The following CSMD1 variants were observed in gnomAD, a reference collection of about 807,000 sequenced individuals.
The protein encoded by CSMD1 is CUB and Sushi multiple domains 1, also known as CUB and sushi domain-containing protein 1.
In CSMD1, 213 loss-of-function variants were observed where a neutral mutation model predicts 417.5. The observed-to-expected ratio is 0.51, with a 90% CI of 0.46 to 0.57. The LOEUF (loss-of-function observed/expected upper bound fraction) is 0.57. CSMD1 is among the 20% of genes least tolerant of loss of function. The probability of loss-of-function intolerance (pLI) is 0.00; values close to 1 mark genes in which losing one functional copy is unlikely to be tolerated. For missense variants in CSMD1, 6,923 were observed against 4,529.7 expected (o/e 1.53, Z -15.17); for synonymous variants, 2,862 against 1,736.8 (o/e 1.65, Z -16.11).
intron 3 of CSMD1, among the ~76,000 whole-genome samples, chr8:4,366,837 T>G (rs896148665): frequency 3.9e-5 from 6 of 152,124 alleles, no homozygotes; most frequent in African/African-American, 1.4e-4. Context: ...GCTGGCTGCT[T>G]GTTTATCTTC....
chr8:4,629,866 G>T (rs1375645127), intron 2 of CSMD1, among the ~76,000 whole-genome samples: 1 of 152,080 alleles, frequency 6.6e-6, no homozygotes, highest in African/African-American at 2.4e-5. Flanking sequence ...TTGTTCTTCT[G>T]TTCCCTTTGT....
intron 62 of CSMD1, among the ~76,000 whole-genome samples, chr8:2,958,104 T>C: frequency 6.6e-6 from 1 of 152,306 alleles, no homozygotes; most frequent in East Asian, 1.9e-4. Context: ...TTTGTAATAA[T>C]TATTATTTCC....
chr8:3,079,177 G>T (rs1314160780), intron 49 of CSMD1, among the ~76,000 whole-genome samples: 1 of 152,106 alleles, frequency 6.6e-6, no homozygotes, highest in Non-Finnish European at 1.5e-5. Flanking sequence ...TTAAGCAAGG[G>T]CAACTGGGAT....
At chr8:3,877,350 G>A (rs1390110872) in intron 5 of CSMD1, among the ~76,000 whole-genome samples, 1 of 152,170 alleles carries the variant, frequency 6.6e-6, no homozygotes, top group Non-Finnish European at 1.5e-5. Context: ...GGGGAGGCAT[G>A]TGCTCTTCCA....
At chr8:3,319,823 AT>A (rs1806032571) in intron 23 of CSMD1, among the ~76,000 whole-genome samples, 1 of 152,100 alleles carries the variant, frequency 6.6e-6, no homozygotes, top group South Asian at 2.1e-4. Context: ...CATAATTTTA[AT>A]TTTCATTGTC....
chr8:4,623,851 A>C (rs1801930850), intron 2 of CSMD1, among the ~76,000 whole-genome samples: 3 of 152,126 alleles, frequency 2.0e-5, no homozygotes, highest in African/African-American at 7.2e-5. Flanking sequence ...CTTAGAACAC[A>C]GGATGGATGA....
chr8:3,078,353 G>A (rs1025638697), intron 49 of CSMD1, among the ~76,000 whole-genome samples: 1 of 152,202 alleles, frequency 6.6e-6, no homozygotes, highest in African/African-American at 2.4e-5. Flanking sequence ...TGTGTGCTAA[G>A]CATGGACAGA....
chr8:3,497,540 G>T (rs1368253658), intron 10 of CSMD1, among the ~76,000 whole-genome samples: 1 of 152,090 alleles, frequency 6.6e-6, no homozygotes, highest in Admixed American at 6.6e-5. Context: ...AGGTATCTGG[G>T]ATTACAGGGT....
At position 4,453,718 on chromosome 8, in the gene CSMD1, C is replaced by T. The variant is rs931531726; in HGVS notation, c.303-33653G>A. ...GCTTGGGTATGCACAGGCATCACAGCGGGCTTAACCATCCCCAAACGTAAT... is the reference window on the plus strand; with the variant it reads ...GCTTGGGTATGCACAGGCATCACAGTGGGCTTAACCATCCCCAAACGTAAT... On this transcript the variant is annotated intron_variant, in intron 2 of 69. Coordinates refer to ENST00000635120, the MANE Select transcript of CSMD1 (RefSeq NM_033225.6). 2.6e-5 allele frequency among the ~76,000 whole-genome samples: 4 copies of T among 151,268 alleles called. No individual in the cohort carries two copies. The South Asian group carries it at 8.4e-4, about 32-fold the overall frequency.
At chr8:3,526,966 G>A (rs1460339048) in intron 10 of CSMD1, among the ~76,000 whole-genome samples, 2 of 152,034 alleles carry the variant, frequency 1.3e-5, no homozygotes, top group Admixed American at 6.5e-5. Flanking sequence ...GTTGTTGGGT[G>A]CAGCCCTCTG....
chr8:3,776,044 C>A (rs1225666870), intron 5 of CSMD1, among the ~76,000 whole-genome samples: 1 of 152,162 alleles, frequency 6.6e-6, no homozygotes, highest in South Asian at 2.1e-4. Flanking sequence ...TGTGCTGGAG[C>A]CACCTCAGAA....
At chr8:3,901,174 A>C (rs1030748571) in intron 5 of CSMD1, among the ~76,000 whole-genome samples, 3 of 152,234 alleles carry the variant, frequency 2.0e-5, no homozygotes, top group African/African-American at 7.2e-5. Context: ...CTCAGCATGC[A>C]AAAGCAGAGA....
intron 10 of CSMD1, among the ~76,000 whole-genome samples, chr8:3,494,674 A>G (rs1181945367): frequency 7.8e-6 from 1 of 128,408 alleles, no homozygotes; most frequent in Non-Finnish European, 1.7e-5. Flanking sequence ...GACAGACGAT[A>G]CACAGATACA....
chr8:3,694,774 G>A (rs947073956), intron 7 of CSMD1, among the ~76,000 whole-genome samples: 1 of 151,762 alleles, frequency 6.6e-6, no homozygotes, highest in Non-Finnish European at 1.5e-5. Flanking sequence ...AGTGGAAAGA[G>A]CGGTCCAAGC....
At chr8:4,272,796 C>T (rs142886635) in intron 3 of CSMD1, among the ~76,000 whole-genome samples, 1 of 152,274 alleles carries the variant, frequency 6.6e-6, no homozygotes, top group East Asian at 1.9e-4. Flanking sequence ...ATGACCTTTA[C>T]TCTAACTCAC....
At chr8:3,449,514 A>ACAG (rs1287210714) in intron 12 of CSMD1, among the ~76,000 whole-genome samples, 1 of 149,636 alleles carries the variant, frequency 6.7e-6, no homozygotes, top group Non-Finnish European at 1.5e-5. Context: ...ACCTCTCATG[A>ACAG]CAGCAATTTT....
At chr8:4,279,471 G>C (rs554631001) in intron 3 of CSMD1, among the ~76,000 whole-genome samples, 2 of 152,266 alleles carry the variant, frequency 1.3e-5, no homozygotes, top group East Asian at 3.9e-4. Flanking sequence ...CCATTTAATA[G>C]CGTTTTTTCA....
chr8:3,856,776 G>A (rs536989482), intron 5 of CSMD1, among the ~76,000 whole-genome samples: 3 of 152,134 alleles, frequency 2.0e-5, no homozygotes, highest in Admixed American at 1.3e-4. Context: ...CTCTGAAGGA[G>A]ACTGAGCATA....
rs556876074 is a variant in CSMD1, at chr8:4,786,238, TA to T, written c.86-148681del. Reference sequence around the variant, plus strand: ...TCACCAATTCAATTCACTAACGGGTTAAAAAATATCCATTTAGGACTATTTT... The same window carrying T: ...TCACCAATTCAATTCACTAACGGGTTAAAAATATCCATTTAGGACTATTTT... On this transcript the variant is annotated intron_variant, in intron 1 of 69. Coordinates refer to ENST00000635120, the MANE Select transcript of CSMD1 (RefSeq NM_033225.6). Among the ~76,000 whole-genome samples the T allele has an allele frequency of 4.9e-4, 75 of 152,340 alleles. No homozygotes were observed. The South Asian group carries it at 0.015, about 30-fold the overall frequency.
Sources: allele counts gnomAD v4.1 joint callset (sites outside exome capture counted in the v4.1 genomes callset), GRCh38; gene constraint gnomAD v4.1.1; transcripts MANE v1.5; gene names NCBI Gene and HGNC (gene_info 2026-07-23, HGNC 2026-07-21).